ATXN7L1: variants seen among roughly 807,000 people sequenced by gnomAD.
ATXN7L1 encodes ataxin 7 like 1, also known as ataxin-7-like protein 1.
ATXN7L1 carries 15 observed loss-of-function variants against 70.8 expected under a neutral mutation model. The observed-to-expected ratio is 0.21, with a 90% confidence interval of 0.14 to 0.33. ATXN7L1 has a LOEUF of 0.33. Ranked by LOEUF, ATXN7L1 falls within the 10% of genes least tolerant of loss-of-function variation. The pLI, the probability that ATXN7L1 is intolerant of heterozygous loss-of-function variation, is 1.00. For synonymous variants in ATXN7L1, 440 were observed against 445.1 expected, an observed-to-expected ratio of 0.99 and a Z score of 0.14; for missense variants, 975 against 1,097.1, an observed-to-expected ratio of 0.89 and a Z score of 1.57.
intron 3 of ATXN7L1, among the ~76,000 whole-genome samples, chr7:105,775,352 G>A (rs1306276315): frequency 2.6e-5 from 4 of 152,198 alleles, no homozygotes; most frequent in Admixed American, 2.6e-4. Flanking sequence ...CACATCATGG[G>A]AAGAAGCACT....
chr7:105,820,602 G>A (rs1049992019), intron 2 of ATXN7L1, among the ~76,000 whole-genome samples: 1 of 152,114 alleles, frequency 6.6e-6, no homozygotes, highest in African/African-American at 2.4e-5. Flanking sequence ...GCAGGGTTGG[G>A]TTTTTTTAAA....
At chr7:105,876,231 G>C in intron 1 of ATXN7L1, 147 bp downstream of exon 1, 1 of 1,108,388 alleles carries the variant, frequency 9.0e-7, no homozygotes, top group Non-Finnish European at 1.3e-6. Flanking sequence ...ATCTGTCTCT[G>C]TGTGTATTTA....
intron 2 of ATXN7L1, among the ~76,000 whole-genome samples, chr7:105,829,616 A>G (rs1811325106): frequency 6.6e-6 from 1 of 152,194 alleles, no homozygotes; most frequent in African/African-American, 2.4e-5. Context: ...ATATACACTC[A>G]TTGAGAAGAT....
chr7:105,630,296 A>G (rs1796395452), intron 7 of ATXN7L1, among the ~76,000 whole-genome samples: 1 of 152,184 alleles, frequency 6.6e-6, no homozygotes, highest in Admixed American at 6.5e-5. Context: ...ATAACAGTAA[A>G]GAGATAAAAA....
intron 4 of ATXN7L1, among the ~76,000 whole-genome samples, chr7:105,664,575 G>A (rs1363178624): frequency 1.3e-4 from 17 of 131,942 alleles, no homozygotes; most frequent in East Asian, 8.0e-4. Context: ...GTATGTGTGT[G>A]TATATATATA....
chr7:105,800,842 A>G lies in ATXN7L1; in HGVS notation c.251-12134T>C, dbSNP rs572040534. On this transcript the variant is annotated intron_variant, in intron 2 of 11. Coordinates refer to ENST00000419735, the MANE Select transcript of ATXN7L1 (RefSeq NM_020725.2). ...TGAGATAACTTATGCCAGTGATAGC[A>G]TCTTATAGGTATTCAATTAAATGCT... Among the ~76,000 whole-genome samples, 28 of 152,376 alleles carry G rather than the reference A, an allele frequency of 1.8e-4. No individual in the cohort carries two copies. In the Middle Eastern group the frequency reaches 0.01, roughly 56 times the overall value.
At chr7:105,740,876 T>C (rs1020273962) in intron 3 of ATXN7L1, among the ~76,000 whole-genome samples, 9 of 150,144 alleles carry the variant, frequency 6.0e-5, no homozygotes, top group East Asian at 2.0e-4. Context: ...GCCATTCTCC[T>C]GCCTCAGCCT....
At chr7:105,816,200 A>G (rs944303879) in intron 2 of ATXN7L1, among the ~76,000 whole-genome samples, 2 of 152,172 alleles carry the variant, frequency 1.3e-5, no homozygotes, top group Non-Finnish European at 1.5e-5. Flanking sequence ...CAGTCTAAGC[A>G]TCTAATTTAG....
chr7:105,707,225 T>A (rs1401220809), intron 3 of ATXN7L1, among the ~76,000 whole-genome samples: 1 of 152,102 alleles, frequency 6.6e-6, no homozygotes, highest in Non-Finnish European at 1.5e-5. Flanking sequence ...GGCGGTGGGT[T>A]GAATTCTAAA....
At chr7:105,689,031 C>G (rs1372369859) in intron 3 of ATXN7L1, among the ~76,000 whole-genome samples, 2 of 152,180 alleles carry the variant, frequency 1.3e-5, no homozygotes, top group African/African-American at 4.8e-5. Flanking sequence ...AGCAGACTCC[C>G]AAAGGTTTGA....
At chr7:105,670,848 T>C in intron 3 of ATXN7L1, among the ~76,000 whole-genome samples, 1 of 152,004 alleles carries the variant, frequency 6.6e-6, no homozygotes, top group East Asian at 1.9e-4. Flanking sequence ...GGCTCACGCC[T>C]GTAATCCCAG....
intron 3 of ATXN7L1, among the ~76,000 whole-genome samples, chr7:105,758,517 CA>C (rs2116404839): frequency 6.6e-6 from 1 of 152,342 alleles, no homozygotes; most frequent in South Asian, 2.1e-4. Context: ...TGGAAGGACT[CA>C]AGAGCTTTGG....
At chr7:105,665,745 T>A (rs1247214032) in intron 3 of ATXN7L1, among the ~76,000 whole-genome samples, 6 of 152,178 alleles carry the variant, frequency 3.9e-5, no homozygotes, top group Non-Finnish European at 8.8e-5. Flanking sequence ...GCAGGAGCAC[T>A]AAAGTAAGAC....
intron 3 of ATXN7L1, among the ~76,000 whole-genome samples, chr7:105,718,751 C>A (rs985215690): frequency 3.3e-5 from 5 of 152,230 alleles, no homozygotes; most frequent in Admixed American, 6.5e-5. Context: ...CAGATGTCCA[C>A]CATTCACACG....
At chr7:105,646,166 A>C (rs1171978803) in intron 4 of ATXN7L1, among the ~76,000 whole-genome samples, 4 of 151,984 alleles carry the variant, frequency 2.6e-5, no homozygotes, top group African/African-American at 9.7e-5. Flanking sequence ...AATAAAAATT[A>C]GCCAGGCATG....
chr7:105,787,515 G>A (rs1804482700), intron 3 of ATXN7L1, among the ~76,000 whole-genome samples: 1 of 152,092 alleles, frequency 6.6e-6, no homozygotes, highest in African/African-American at 2.4e-5. Context: ...ATGTAGATAT[G>A]TATATATCAT....
At chr7:105,675,496 A>G (rs1201344114) in intron 3 of ATXN7L1, among the ~76,000 whole-genome samples, 2 of 152,084 alleles carry the variant, frequency 1.3e-5, no homozygotes, top group Non-Finnish European at 2.9e-5. Flanking sequence ...GTGGTGGTGC[A>G]TGCCTGTAAT....
At chr7:105,857,970 G>A in intron 2 of ATXN7L1, among the ~76,000 whole-genome samples, 1 of 152,172 alleles carries the variant, frequency 6.6e-6, no homozygotes, top group East Asian at 1.9e-4. Context: ...CAGTGTTCAT[G>A]CCTGTAATCC....
intron 3 of ATXN7L1, among the ~76,000 whole-genome samples, chr7:105,682,958 T>G (rs2116164084): frequency 6.6e-6 from 1 of 152,342 alleles, no homozygotes; most frequent in South Asian, 2.1e-4. Context: ...TCATCCAAAT[T>G]TTAAAAAAGC....
Sources: allele counts gnomAD v4.1 joint callset (sites outside exome capture counted in the v4.1 genomes callset), GRCh38; gene constraint gnomAD v4.1.1; transcripts MANE v1.5; gene names NCBI Gene and HGNC (gene_info 2026-07-23, HGNC 2026-07-21).